The following AGFG2 variants were observed in gnomAD, a reference collection of about 807,000 sequenced individuals.
AGFG2 encodes ArfGAP with FG repeats 2, also known as arf-GAP domain and FG repeat-containing protein 2.
Under a neutral mutation model 48.0 loss-of-function variants are expected in AGFG2, and 31 were observed. That is an observed-to-expected ratio of 0.65 (90% CI 0.49 to 0.87). The LOEUF is 0.87. Ranked by LOEUF, AGFG2 falls within the 40% of genes least tolerant of loss-of-function variation. The pLI, the probability that AGFG2 is intolerant of heterozygous loss-of-function variation, is 0.00. For synonymous variants in AGFG2, 229 were observed against 260.8 expected (o/e 0.88, Z 1.18); for missense variants, 599 against 632.6 (o/e 0.95, Z 0.57).
rs141138989 is a variant in AGFG2, at chr7:100,548,916, G to A, written c.315+1G>A. On this transcript the variant is annotated splice_donor_variant, in intron 2 of 11. Coordinates refer to ENST00000300176, the MANE Select transcript of AGFG2 (RefSeq NM_006076.5). LOFTEE classifies it high-confidence loss of function. ...ATTCCTGCAATCCCGTGGAAATGAG[G>A]TGAGCTGCCACCGATGGAGTGGTGA... is the stretch of plus-strand genomic sequence containing the variant. 1.2e-6 allele frequency: 2 copies of A among 1,612,698 alleles called. No individual in the cohort carries two copies. Among genetic ancestry groups the A allele is most frequent in the Non-Finnish European group, 1.7e-6 (2 of 1,178,870 alleles).
chr7:100,563,451 C>A (rs558957664), intron 9 of AGFG2, among the ~76,000 whole-genome samples: 2 of 152,330 alleles, frequency 1.3e-5, no homozygotes, highest in African/African-American at 4.8e-5. Context: ...GTGGTGGGCC[C>A]AGTGCTGAGG....
intron 3 of AGFG2, among the ~76,000 whole-genome samples, chr7:100,550,762 T>TGTGG (rs1342704467): frequency 6.6e-6 from 1 of 151,970 alleles, no homozygotes; most frequent in African/African-American, 2.4e-5. Flanking sequence ...GAGGTAGGCC[T>TGTGG]GTGGGTGTTC....
intron 2 of AGFG2, among the ~76,000 whole-genome samples, chr7:100,549,264 T>G (rs1800575676): frequency 6.6e-6 from 1 of 152,188 alleles, no homozygotes; most frequent in Non-Finnish European, 1.5e-5. Context: ...TCTGCTGCCT[T>G]CAGCCTCGAC....
At chr7:100,548,712 T>A (rs1448367626) in intron 1 of AGFG2, 110 bp from the exon 2 acceptor site, 1 of 738,734 alleles carries the variant, frequency 1.4e-6, no homozygotes, top group Non-Finnish European at 2.4e-6. Context: ...TATCTGAGCT[T>A]AGTTTATATG....
intron 6 of AGFG2, chr7:100,556,136 C>T (rs1800754788): frequency 4.9e-6 from 1 of 202,976 alleles, no homozygotes; most frequent in Non-Finnish European, 1.0e-5. Context: ...ATCCATCCCT[C>T]TAAGACCAAA....
intron 1 of AGFG2, among the ~76,000 whole-genome samples, chr7:100,546,867 G>A (rs921110165): frequency 1.2e-4 from 18 of 152,150 alleles, no homozygotes; most frequent in African/African-American, 4.3e-4. Context: ...GACAGTCTTC[G>A]GGGCAGACCA....
intron 5 of AGFG2, 27 bp downstream of exon 5, chr7:100,554,285 C>G: frequency 6.2e-7 from 1 of 1,600,256 alleles, no homozygotes; most frequent in Non-Finnish European, 8.5e-7. Flanking sequence ...ATGGGACCCT[C>G]CCTACAGCGT....
intron 11 of AGFG2, 76 bp downstream of exon 11, chr7:100,564,379 A>G: frequency 6.8e-7 from 1 of 1,460,256 alleles, no homozygotes; most frequent in Non-Finnish European, 9.4e-7. Context: ...GAAGAGGCTG[A>G]TGTGAGGTGG....
chr7:100,558,433 GA>G (rs1174551042), intron 6 of AGFG2, among the ~76,000 whole-genome samples: 2 of 152,084 alleles, frequency 1.3e-5, no homozygotes, highest in Non-Finnish European at 2.9e-5. Flanking sequence ...CTAGGAATGG[GA>G]GCACTCGAGG....
In AGFG2 at chr7:100,548,992, C is replaced by T. The variant is rs1202215123; in HGVS notation, c.315+77C>T. 4 of 1,211,516 alleles carry T rather than the reference C, an allele frequency of 3.3e-6. No individual in the cohort carries two copies. In the African/African-American group the frequency reaches 4.5e-5, roughly 14 times the overall value. The allele number at this position is 1,211,516 out of a possible 1,614,324, so 75.0% of individuals were successfully genotyped here. Reference sequence around the variant, plus strand: ...CTTTGCCTCAAGATTGTAGGGAAACCTTACGGTTTTATTTTTGGTTGAGTT... The same window carrying T: ...CTTTGCCTCAAGATTGTAGGGAAACTTTACGGTTTTATTTTTGGTTGAGTT... On this transcript the variant is annotated intron_variant, in intron 2 of 11. Transcript: ENST00000300176.
chr7:100,550,383 T>TTCA lies in AGFG2; in HGVS notation c.316-11_316-9dup, dbSNP rs777713041. On this transcript the variant is annotated splice_polypyrimidine_tract_variant and intron_variant, in intron 2 of 11. Coordinates refer to ENST00000300176, the MANE Select transcript of AGFG2 (RefSeq NM_006076.5). ...TTTCTGCTCCCACTCCTCTGACACC[T>TTCA]TCATTCTTTTAGGTTTGCCGGAAGA... 1 of 1,598,100 alleles carries TTCA rather than the reference T, an allele frequency of 6.3e-7. No individual in the cohort carries two copies. Among genetic ancestry groups the TTCA allele is most frequent in the South Asian group, 1.1e-5 (1 of 90,452 alleles).
chr7:100,563,068 TC>T, intron 9 of AGFG2, 122 bp downstream of exon 9: 1 of 1,033,666 alleles, frequency 9.7e-7, no homozygotes, highest in Non-Finnish European at 1.4e-6. Flanking sequence ...GCCTGGTTCT[TC>T]CCCTGCCCAC....
chr7:100,546,459 C>T (rs886780294), intron 1 of AGFG2, among the ~76,000 whole-genome samples: 5 of 152,208 alleles, frequency 3.3e-5, no homozygotes, highest in Admixed American at 6.5e-5. Flanking sequence ...CCTGGAGTCA[C>T]GTTCTCCCTG....
At chr7:100,556,697 A>G (rs1800765855) in intron 6 of AGFG2, 1 of 1,222,162 alleles carries the variant, frequency 8.2e-7, no homozygotes, top group Non-Finnish European at 1.1e-6. Context: ...GCTGGAAGGA[A>G]CCCTTAAAAT....
rs1800611576 is a variant in AGFG2, at chr7:100,550,581, A to G, written c.431+70A>G. 3 of 1,277,162 alleles carry G rather than the reference A, an allele frequency of 2.3e-6. No individual in the cohort carries two copies. The African/African-American group carries it at 4.4e-5, about 19-fold the overall frequency. 79.1% of individuals were successfully genotyped at this position (1,277,162 alleles called of 1,614,324 possible). A position where few individuals can be genotyped will look rare whatever the true frequency, so the allele number is the denominator to read the frequency against. ...TTCTTCATCTGACAGTCCAGTTTCTAGAGTTGAATTTGGCCTTCTCACAAA... is the reference window on the plus strand; with the variant it reads ...TTCTTCATCTGACAGTCCAGTTTCTGGAGTTGAATTTGGCCTTCTCACAAA... On this transcript the variant is annotated intron_variant, in intron 3 of 11. Coordinates refer to ENST00000300176, the MANE Select transcript of AGFG2 (RefSeq NM_006076.5).
At chr7:100,550,746 A>T (rs1287904531) in intron 3 of AGFG2, among the ~76,000 whole-genome samples, 2 of 152,038 alleles carry the variant, frequency 1.3e-5, no homozygotes, top group Non-Finnish European at 2.9e-5. Flanking sequence ...GACTGATTGG[A>T]GTCGGGAGGT....
At chr7:100,551,500 C>T (rs994623907) in intron 3 of AGFG2, among the ~76,000 whole-genome samples, 1 of 151,708 alleles carries the variant, frequency 6.6e-6, no homozygotes, top group Admixed American at 6.6e-5. Flanking sequence ...CCACCGTGCC[C>T]GGCCTTGTTT....
In AGFG2 at chr7:100,539,213, G is replaced by T; in HGVS notation, c.-134G>T. 1 of 883,728 alleles carries T rather than the reference G, an allele frequency of 1.1e-6. No homozygotes were observed. The highest frequency in any genetic ancestry group is 1.5e-6 in the Non-Finnish European group (1 of 659,924). The allele number at this position is 883,728 out of a possible 1,614,324, so 54.7% of individuals were successfully genotyped here. A position where few individuals can be genotyped will look rare whatever the true frequency, so the allele number is the denominator to read the frequency against. ...ACGGGCAAGGAGGGTGGTGGACGGC[G>T]AAGTCTCCTGCGGATGCCGCCCGCT... is the stretch of plus-strand genomic sequence containing the variant. On this transcript the variant is annotated 5_prime_UTR_variant, in exon 1 of 12. Transcript: ENST00000300176.
Position 100,539,271 on chromosome 7 carries a change from G to A in AGFG2, c.-76G>A. On this transcript the variant is annotated 5_prime_UTR_variant, in exon 1 of 12. Coordinates refer to ENST00000300176, the MANE Select transcript of AGFG2 (RefSeq NM_006076.5). ...TTCTGTCAGGGGAGCCGGGCGTGCG[G>A]AGGCGGCTGAGGAGGCGGGAAGGCG... 8.0e-7 allele frequency: 1 copy of A among 1,256,032 alleles called. No individual in the cohort carries two copies. Among genetic ancestry groups the A allele is most frequent in the South Asian group, 2.7e-5 (1 of 37,076 alleles). 77.8% of individuals were successfully genotyped at this position (1,256,032 alleles called of 1,614,324 possible). A position where few individuals can be genotyped will look rare whatever the true frequency, so the allele number is the denominator to read the frequency against.
Sources: allele counts gnomAD v4.1 joint callset (sites outside exome capture counted in the v4.1 genomes callset), GRCh38; gene constraint gnomAD v4.1.1; transcripts MANE v1.5; gene names NCBI Gene and HGNC (gene_info 2026-07-23, HGNC 2026-07-21).